RPP30: variants seen among roughly 807,000 people sequenced by gnomAD.
The protein encoded by RPP30 is ribonuclease P protein subunit p30.
RPP30 carries 36 observed loss-of-function variants against 38.6 expected under a neutral mutation model. The ratio of observed to expected loss-of-function variants is 0.93; its 90% confidence interval spans 0.71 to 1.23. The LOEUF (loss-of-function observed/expected upper bound fraction) is 1.23, where lower values mean the gene tolerates loss of function less well. Ranked by LOEUF, RPP30 falls within the 50% of genes most tolerant of loss-of-function variation. The pLI, the probability that RPP30 is intolerant of heterozygous loss-of-function variation, is 0.00. For synonymous variants in RPP30, 126 were observed against 112.7 expected, an observed-to-expected ratio of 1.12 and a Z score of -0.75; for missense variants, 321 against 321.7, an observed-to-expected ratio of 1.00 and a Z score of 0.02.
intron 10 of RPP30, among the ~76,000 whole-genome samples, chr10:90,899,112 G>T (rs1172839076): frequency 1.3e-5 from 2 of 152,190 alleles, no homozygotes; most frequent in Non-Finnish European, 2.9e-5. Context: ...TTGTTAAAAA[G>T]TGCTGATTTT....
chr10:90,875,539 T>C lies in RPP30; in HGVS notation c.139-19T>C, dbSNP rs1846839893. ...ATTAATGGATACAATCTGCAGTAAC[T>C]ATTTATCGTTTGTTGTAGGAAATTG... On this transcript the variant is annotated intron_variant, in intron 2 of 10. Transcript: ENST00000371703. 1 of 1,607,212 alleles carries C rather than the reference T, an allele frequency of 6.2e-7. No homozygotes were observed. The highest frequency in any genetic ancestry group is 1.7e-5 in the Admixed American group (1 of 59,994).
In RPP30 at chr10:90,894,855, C is replaced by T. The variant is rs772624763; in HGVS notation, c.513C>T (p.Ser171=). ...CCACAATGAGAAGGTATACAATTTC[C>T]AGTGCCCTCAATTTGATGCAAATCT... The part of the protein sequence containing the change: ...KDSTMRRYTI[S]SALNLMQICK... Residue 171 remains serine (S), a synonymous_variant, in exon 7 of 11, where the codon TCC becomes TCT. Transcript: ENST00000371703. The T allele has an allele frequency of 1.9e-5, 31 of 1,612,934 alleles. No individual in the cohort carries two copies. The highest frequency in any genetic ancestry group is 3.3e-4 in the Middle Eastern group (2 of 6,058).
At chr10:90,887,162 C>G (rs1267488975) in intron 6 of RPP30, among the ~76,000 whole-genome samples, 2 of 151,596 alleles carry the variant, frequency 1.3e-5, no homozygotes, top group Non-Finnish European at 2.9e-5. Flanking sequence ...AAGTTGAGGT[C>G]TCACCATGTT....
Position 90,894,866 on chromosome 10 carries a change from A to G in RPP30, c.524A>G (p.Asn175Ser), listed in dbSNP as rs1847122231. 1 of 1,611,298 alleles carries G rather than the reference A, an allele frequency of 6.2e-7. No homozygotes were observed. The highest frequency in any genetic ancestry group is 1.3e-5 in the African/African-American group (1 of 74,952). Residue 175 changes from asparagine (N) to serine (S), a missense_variant, in exon 7 of 11, where the codon AAT (asparagine) becomes AGT (serine). Coordinates refer to ENST00000371703, the MANE Select transcript of RPP30 (RefSeq NM_006413.5). The part of the protein sequence containing the change: ...MRRYTISSAL[N>S]LMQICKGKNV... ...AGGTATACAATTTCCAGTGCCCTCAATTTGATGCAAATCTGCAAAGGAAAG... is the reference window on the plus strand; with the variant it reads ...AGGTATACAATTTCCAGTGCCCTCAGTTTGATGCAAATCTGCAAAGGAAAG...
chr10:90,888,401 G>C (rs778749525), intron 6 of RPP30, among the ~76,000 whole-genome samples: 1 of 152,160 alleles, frequency 6.6e-6, no homozygotes, highest in Non-Finnish European at 1.5e-5. Flanking sequence ...TTTAATTGGG[G>C]TTCTTAGGAA....
At chr10:90,875,536 A>G in intron 2 of RPP30, 22 bp from the exon 3 acceptor site, 1 of 1,602,666 alleles carries the variant, frequency 6.2e-7, no homozygotes, top group Non-Finnish European at 8.5e-7. Flanking sequence ...AATCTGCAGT[A>G]ACTATTTATC....
intron 1 of RPP30, among the ~76,000 whole-genome samples, chr10:90,873,999 G>A (rs966143134): frequency 6.6e-6 from 1 of 152,150 alleles, no homozygotes; most frequent in Non-Finnish European, 1.5e-5. Context: ...ATTTCTTGTG[G>A]AGAAGGATTA....
downstream of RPP30, among the ~76,000 whole-genome samples, chr10:90,907,408 C>T (rs1490675414): frequency 6.6e-6 from 1 of 152,098 alleles, no homozygotes; most frequent in African/African-American, 2.4e-5. Flanking sequence ...AGGTGGACTC[C>T]CTGGATTAGT....
rs150838344 is a variant in RPP30 at position 90,891,351 on chromosome 10, G to A, written c.433-3424G>A. Among the ~76,000 whole-genome samples the A allele has an allele frequency of 1.2e-4, 18 of 152,210 alleles. 1 individual carries two copies. The highest frequency in any genetic ancestry group is 3.3e-4 in the Admixed American group (5 of 15,284). ...GTCTCTATGTCTTCACATGGCCATC[G>A]TCTCATAAGACACCAGTCATATTGG... On this transcript the variant is annotated intron_variant, in intron 6 of 10. Coordinates refer to ENST00000371703, the MANE Select transcript of RPP30 (RefSeq NM_006413.5).
chr10:90,878,097 C>G (rs1259968310), intron 4 of RPP30, among the ~76,000 whole-genome samples: 1 of 152,134 alleles, frequency 6.6e-6, no homozygotes, highest in African/African-American at 2.4e-5. Context: ...TAAAGACTTT[C>G]ATTTACTCTT....
At chr10:90,875,520 G>T (rs1277842461) in intron 2 of RPP30, 38 bp from the exon 3 acceptor site, 29 of 1,550,560 alleles carry the variant, frequency 1.9e-5, no homozygotes, top group Non-Finnish European at 2.4e-5. Flanking sequence ...TGCTATTAAT[G>T]GATACAATCT....
chr10:90,874,391 G>T (rs999988675), intron 1 of RPP30, among the ~76,000 whole-genome samples: 1 of 152,082 alleles, frequency 6.6e-6, no homozygotes, highest in African/African-American at 2.4e-5. Context: ...GAAGTAGAAG[G>T]ATAAAAAGCA....
At chr10:90,879,251 T>TA in intron 5 of RPP30, 117 bp downstream of exon 5, 1 of 752,756 alleles carries the variant, frequency 1.3e-6, no homozygotes, top group Non-Finnish European at 2.2e-6. Flanking sequence ...ATTTGTTATT[T>TA]ATACTTGGAG....
chr10:90,893,511 TCCTTC>T (rs1847106245), intron 6 of RPP30, among the ~76,000 whole-genome samples: 1 of 152,200 alleles, frequency 6.6e-6, no homozygotes, highest in Admixed American at 6.5e-5. Context: ...ATGCTGAAAA[TCCTTC>T]AGATGTTTTC....
Position 90,874,804 on chromosome 10 carries a change from G to A in RPP30, c.83-65G>A, listed in dbSNP as rs1355343740. On this transcript the variant is annotated intron_variant, in intron 1 of 10. Transcript: ENST00000371703. ...TACTCTTGACATCTAGACTCAGGATGGACCTGTGTTACAGGAAGGAGAGGT... is the reference window on the plus strand; with the variant it reads ...TACTCTTGACATCTAGACTCAGGATAGACCTGTGTTACAGGAAGGAGAGGT... 13 of 1,058,318 alleles carry A rather than the reference G, an allele frequency of 1.2e-5. No homozygotes were observed. The African/African-American group carries it at 1.4e-4, about 12-fold the overall frequency. The allele number at this position is 1,058,318 out of a possible 1,614,324, so 65.6% of individuals were successfully genotyped here.
At chr10:90,882,817 TA>T (rs2120198212) in intron 5 of RPP30, among the ~76,000 whole-genome samples, 1 of 152,290 alleles carries the variant, frequency 6.6e-6, no homozygotes, top group East Asian at 1.9e-4. Context: ...AAAATAAAAG[TA>T]AATGGAAATA....
chr10:90,888,145 C>A (rs1847025154), intron 6 of RPP30, among the ~76,000 whole-genome samples: 2 of 152,226 alleles, frequency 1.3e-5, no homozygotes, highest in African/African-American at 4.8e-5. Context: ...GGCACTATAG[C>A]TACTCAGCAA....
chr10:90,877,247 G>A (rs573850097), intron 4 of RPP30, among the ~76,000 whole-genome samples: 3 of 152,130 alleles, frequency 2.0e-5, no homozygotes, highest in East Asian at 3.9e-4. Context: ...GAGAGGCAGA[G>A]GTTGCAGTGA....
intron 10 of RPP30, 147 bp from the exon 11 acceptor site, chr10:90,900,421 GAT>G (rs1265529790): frequency 1.4e-6 from 1 of 700,900 alleles, no homozygotes; most frequent in Non-Finnish European, 2.3e-6. Flanking sequence ...GGGAAAAAAA[GAT>G]AATGACGGTA....
Sources: allele counts gnomAD v4.1 joint callset (sites outside exome capture counted in the v4.1 genomes callset), GRCh38; gene constraint gnomAD v4.1.1; transcripts MANE v1.5; gene names NCBI Gene and HGNC (gene_info 2026-07-23, HGNC 2026-07-21).